Variants in ZNF804B observed in about 807,000 individuals in gnomAD.
ZNF804B encodes zinc finger 804B.
ZNF804B carries 80 observed loss-of-function variants against 101.4 expected under a neutral mutation model. The ratio of observed to expected loss-of-function variants is 0.79; its 90% CI spans 0.66 to 0.95. ZNF804B has a LOEUF of 0.95. Among genes scored for constraint, ZNF804B ranks in the 40% least tolerant of loss-of-function variants. The pLI is 0.00. For missense variants in ZNF804B, 1,673 were observed against 1,561.9 expected, an observed-to-expected ratio of 1.07 and a Z score of -1.20; for synonymous variants, 622 against 558.8, an observed-to-expected ratio of 1.11 and a Z score of -1.59.
chr7:89,025,909 A>G (rs1421461373), intron 1 of ZNF804B, among the ~76,000 whole-genome samples: 8 of 152,142 alleles, frequency 5.3e-5, no homozygotes, highest in Admixed American at 5.2e-4. Context: ...ACTTAATTAT[A>G]AATTCACTGC....
At chr7:89,202,346 A>G (rs545163535) in intron 1 of ZNF804B, among the ~76,000 whole-genome samples, 1 of 152,238 alleles carries the variant, frequency 6.6e-6, no homozygotes, top group South Asian at 2.1e-4. Flanking sequence ...TGAATTTATT[A>G]TAGCTACAAC....
chr7:89,335,122 A>G lies in ZNF804B; in HGVS notation c.2140A>G (p.Thr714Ala), dbSNP rs896753069. Residue 714 changes from threonine (T) to alanine (A), a missense_variant, in exon 4 of 4, where the codon ACA (threonine) becomes GCA (alanine). Thr to Ala is a moderately conservative substitution (Grantham distance 58). Transcript: ENST00000333190. ...GAGTAGATATTCTTCCTCTTTGGAC[A>G]CATCCCCTAGCAGCATGTCTAGCTT... ...CLSRYSSSLD[T>A]SPSSMSSLRS... 2 of 1,613,902 alleles carry G rather than the reference A, an allele frequency of 1.2e-6. No homozygotes were observed. Among genetic ancestry groups the G allele is most frequent in the African/African-American group, 1.3e-5 (1 of 75,038 alleles).
At chr7:89,310,346 A>G (rs893384108) in intron 2 of ZNF804B, among the ~76,000 whole-genome samples, 1 of 152,102 alleles carries the variant, frequency 6.6e-6, no homozygotes, top group Admixed American at 6.6e-5. Context: ...TGAAGCCAAG[A>G]TTCTGATATG....
chr7:88,975,777 T>C (rs1263362596), intron 1 of ZNF804B, among the ~76,000 whole-genome samples: 1 of 151,704 alleles, frequency 6.6e-6, no homozygotes, highest in Non-Finnish European at 1.5e-5. Context: ...TTTAATTTGA[T>C]GTGATTGCAC....
chr7:89,257,566 A>G (rs1789653293), intron 2 of ZNF804B, among the ~76,000 whole-genome samples: 2 of 151,772 alleles, frequency 1.3e-5, no homozygotes, highest in Non-Finnish European at 2.9e-5. Context: ...GTATTTAATC[A>G]CTCTTTTAAA....
chr7:89,135,462 T>C (rs1790617276), intron 1 of ZNF804B, among the ~76,000 whole-genome samples: 1 of 152,122 alleles, frequency 6.6e-6, no homozygotes, highest in African/African-American at 2.4e-5. Context: ...AGATTTCATG[T>C]GATTTATCAC....
chr7:89,321,948 A>T (rs1314062090), intron 2 of ZNF804B, among the ~76,000 whole-genome samples: 1 of 152,182 alleles, frequency 6.6e-6, no homozygotes, highest in Non-Finnish European at 1.5e-5. Flanking sequence ...GAGTATTTTG[A>T]GATGAAAAGT....
chr7:89,048,091 A>G (rs1789140530), intron 1 of ZNF804B, among the ~76,000 whole-genome samples: 1 of 151,688 alleles, frequency 6.6e-6, no homozygotes, highest in Non-Finnish European at 1.5e-5. Flanking sequence ...TTTATCCCTT[A>G]CCCCTTCCCA....
intron 1 of ZNF804B, among the ~76,000 whole-genome samples, chr7:89,010,938 A>G (rs753064213): frequency 1.3e-5 from 2 of 152,210 alleles, no homozygotes; most frequent in Non-Finnish European, 2.9e-5. Flanking sequence ...TTATTGGGCA[A>G]AAGTTTTTGA....
chr7:89,235,776 G>A (rs957874173), intron 2 of ZNF804B, among the ~76,000 whole-genome samples: 1 of 150,846 alleles, frequency 6.6e-6, no homozygotes, highest in Non-Finnish European at 1.5e-5. Context: ...TTTTTTCTGA[G>A]GAATGTAACA....
intron 1 of ZNF804B, among the ~76,000 whole-genome samples, chr7:88,780,759 A>G (rs1042347621): frequency 6.6e-6 from 1 of 152,182 alleles, no homozygotes; most frequent in Non-Finnish European, 1.5e-5. Context: ...AGACATCAAA[A>G]GTGTGTAAAT....
chr7:88,763,989 GC>G (rs1367478522), intron 1 of ZNF804B, among the ~76,000 whole-genome samples: 1 of 152,092 alleles, frequency 6.6e-6, no homozygotes, highest in East Asian at 1.9e-4. Flanking sequence ...CAGTAATTAA[GC>G]TATTCATTGA....
At chr7:89,100,408 G>T (rs547921553) in intron 1 of ZNF804B, among the ~76,000 whole-genome samples, 1 of 152,246 alleles carries the variant, frequency 6.6e-6, no homozygotes, top group South Asian at 2.1e-4. Context: ...TCTGGGCAAA[G>T]ATTTCTTGAG....
intron 1 of ZNF804B, among the ~76,000 whole-genome samples, chr7:89,143,124 T>A (rs1323179923): frequency 2.6e-5 from 4 of 151,910 alleles, no homozygotes; most frequent in Non-Finnish European, 4.4e-5. Flanking sequence ...AAAATTAAAC[T>A]GTACATGTTT....
rs374000832 is a variant in ZNF804B at position 89,233,125 on chromosome 7, C to A, written c.249+14830C>A. ...GTATTTTTAGTAGAGACGGGGTTTCCCCGTGTTAGCCAGGATGGTCTCCAT... is the reference window on the plus strand; with the variant it reads ...GTATTTTTAGTAGAGACGGGGTTTCACCGTGTTAGCCAGGATGGTCTCCAT... On this transcript the variant is annotated intron_variant, in intron 2 of 3. Coordinates refer to ENST00000333190, the MANE Select transcript of ZNF804B (RefSeq NM_181646.5). Among the ~76,000 whole-genome samples, 568 of 152,016 alleles carry A rather than the reference C, an allele frequency of 3.7e-3. 5 individuals carry two copies. The highest frequency in any genetic ancestry group is 4.5e-3 in the Non-Finnish European group (307 of 67,954).
At chr7:89,209,457 T>C (rs1788770257) in intron 1 of ZNF804B, among the ~76,000 whole-genome samples, 1 of 152,202 alleles carries the variant, frequency 6.6e-6, no homozygotes, top group African/African-American at 2.4e-5. Flanking sequence ...AACAATTGAT[T>C]ATGGTAAAAT....
chr7:89,335,817 G>A lies in ZNF804B; in HGVS notation c.2835G>A (p.Glu945=), dbSNP rs1791073043. 3 of 1,614,014 alleles carry A rather than the reference G, an allele frequency of 1.9e-6. No individual in the cohort carries two copies. The highest frequency in any genetic ancestry group is 2.5e-6 in the Non-Finnish European group (3 of 1,179,978). ...GTCAAGAACAATCAAGTAATGTTGA[G>A]ATCTCTTCAAACAGTTGTAAAAGTG... The part of the protein sequence containing the change: ...KKCQEQSSNV[E]ISSNSCKSEL... Residue 945 remains glutamate, a synonymous_variant, in exon 4 of 4, where the codon GAG becomes GAA. Transcript: ENST00000333190.
At chr7:88,919,893 A>C (rs1394071148) in intron 1 of ZNF804B, among the ~76,000 whole-genome samples, 1 of 152,078 alleles carries the variant, frequency 6.6e-6, no homozygotes, top group East Asian at 1.9e-4. Context: ...GTACTCAGAC[A>C]TGTGTTAAGT....
At chr7:88,970,078 T>G (rs962282982) in intron 1 of ZNF804B, among the ~76,000 whole-genome samples, 7 of 151,216 alleles carry the variant, frequency 4.6e-5, no homozygotes, top group Non-Finnish European at 8.9e-5. Context: ...TTCCTTCCTT[T>G]CCTTCCTTTT....
Sources: allele counts gnomAD v4.1 joint callset (sites outside exome capture counted in the v4.1 genomes callset), GRCh38; gene constraint gnomAD v4.1.1; transcripts MANE v1.5; gene names NCBI Gene and HGNC (gene_info 2026-07-23, HGNC 2026-07-21).